The following ASIC2 variants were observed in gnomAD, a reference collection of about 807,000 sequenced individuals.
ASIC2 encodes acid sensing ion channel subunit 2, also known as acid-sensing ion channel 2.
Under a neutral mutation model 57.3 loss-of-function variants are expected in ASIC2, and 25 were observed. The ratio of observed to expected loss-of-function variants is 0.44; its 90% CI spans 0.32 to 0.61. ASIC2 has a LOEUF of 0.61. Ranked by LOEUF, ASIC2 falls within the 20% of genes least tolerant of loss-of-function variation. The pLI, the probability that ASIC2 is intolerant of heterozygous loss-of-function variation, is 0.06. For synonymous variants in ASIC2, 319 were observed against 307.5 expected (o/e 1.04, Z -0.39); for missense variants, 641 against 738.1 (o/e 0.87, Z 1.52).
intron 1 of ASIC2, among the ~76,000 whole-genome samples, chr17:33,844,752 AT>A (rs1244783670): frequency 6.6e-6 from 1 of 152,228 alleles, no homozygotes; most frequent in African/African-American, 2.4e-5. Context: ...TCAACCTGTT[AT>A]TTAGCTCTAT....
intron 3 of ASIC2, among the ~76,000 whole-genome samples, chr17:33,042,591 C>CT (rs981782331): frequency 1.3e-5 from 2 of 152,166 alleles, no homozygotes; most frequent in African/African-American, 2.4e-5. Flanking sequence ...GGAATTGAAA[C>CT]TTTGATTGTC....
intron 1 of ASIC2, among the ~76,000 whole-genome samples, chr17:33,962,925 C>T (rs1904969673): frequency 6.6e-6 from 1 of 152,116 alleles, no homozygotes; most frequent in South Asian, 2.1e-4. Context: ...ATTCTGCATC[C>T]CCCTTCCTTC....
chr17:33,597,000 C>T (rs543495829), intron 1 of ASIC2, among the ~76,000 whole-genome samples: 2 of 152,308 alleles, frequency 1.3e-5, no homozygotes, highest in East Asian at 3.9e-4. Context: ...TGGTGCTCTA[C>T]AAACATTTGT....
intron 1 of ASIC2, among the ~76,000 whole-genome samples, chr17:33,222,084 T>G (rs1415642389): frequency 1.3e-5 from 2 of 152,190 alleles, no homozygotes; most frequent in Non-Finnish European, 2.9e-5. Flanking sequence ...GCTTGATACC[T>G]GGGATGCTTT....
At chr17:33,079,264 T>C (rs940394726) in intron 3 of ASIC2, among the ~76,000 whole-genome samples, 3 of 152,208 alleles carry the variant, frequency 2.0e-5, no homozygotes, top group Non-Finnish European at 4.4e-5. Context: ...TTATAATGTG[T>C]ACATTTTATG....
At chr17:34,155,131 CT>C (rs1160299841) in intron 1 of ASIC2, among the ~76,000 whole-genome samples, 1 of 152,060 alleles carries the variant, frequency 6.6e-6, no homozygotes, top group African/African-American at 2.4e-5. Flanking sequence ...CCCTGCACCC[CT>C]CCTCCTGCAT....
chr17:33,683,707 A>C (rs1015154737), intron 1 of ASIC2, among the ~76,000 whole-genome samples: 1 of 152,036 alleles, frequency 6.6e-6, no homozygotes, highest in South Asian at 2.1e-4. Context: ...AGGGCCAGGT[A>C]ATTTTTTTGT....
chr17:33,931,904 C>T (rs1193458067), intron 1 of ASIC2, among the ~76,000 whole-genome samples: 1 of 152,150 alleles, frequency 6.6e-6, no homozygotes, highest in Admixed American at 6.5e-5. Context: ...GTAATGTTGG[C>T]GCTGATTCCA....
intron 1 of ASIC2, among the ~76,000 whole-genome samples, chr17:33,583,201 A>G (rs1904499308): frequency 6.6e-6 from 1 of 152,238 alleles, no homozygotes; most frequent in Non-Finnish European, 1.5e-5. Flanking sequence ...CAAGGCCTCA[A>G]TGCCATAAAC....
At chr17:34,066,525 T>C (rs756204400) in intron 1 of ASIC2, among the ~76,000 whole-genome samples, 1 of 152,074 alleles carries the variant, frequency 6.6e-6, no homozygotes, top group East Asian at 1.9e-4. Context: ...CATCACTGAG[T>C]GGAGTGCCAA....
At chr17:34,050,240 G>A (rs1372580844) in intron 1 of ASIC2, among the ~76,000 whole-genome samples, 1 of 152,200 alleles carries the variant, frequency 6.6e-6, no homozygotes, top group East Asian at 1.9e-4. Context: ...TGTGTAAATT[G>A]CAGCAGAGAT....
At chr17:33,142,849 T>C (rs1424199196) in intron 1 of ASIC2, among the ~76,000 whole-genome samples, 1 of 152,242 alleles carries the variant, frequency 6.6e-6, no homozygotes. Flanking sequence ...CCTCTATATG[T>C]ATCCCGTAGA....
chr17:34,043,352 T>C (rs9902237), intron 1 of ASIC2, among the ~76,000 whole-genome samples: 3,672 of 152,268 alleles, frequency 0.024, 142 homozygotes, highest in African/African-American at 0.084. Flanking sequence ...AAAGGCAGCA[T>C]TGATTGTGGC....
At chr17:34,096,487 G>T (rs1910550459) in intron 1 of ASIC2, among the ~76,000 whole-genome samples, 1 of 152,104 alleles carries the variant, frequency 6.6e-6, no homozygotes, top group Non-Finnish European at 1.5e-5. Context: ...AGAGAGCAAT[G>T]GCAAAGCCAC....
At chr17:34,038,378 A>G in intron 1 of ASIC2, 1 of 1,611,628 alleles carries the variant, frequency 6.2e-7, no homozygotes, top group South Asian at 1.1e-5. Flanking sequence ...GGGATGGTCC[A>G]GCTCTTTATG....
intron 3 of ASIC2, among the ~76,000 whole-genome samples, chr17:33,079,272 A>G (rs1382626144): frequency 2.6e-5 from 4 of 152,204 alleles, no homozygotes; most frequent in Non-Finnish European, 4.4e-5. Flanking sequence ...TGTACATTTT[A>G]TGCTGGAGAT....
chr17:33,546,175 A>G (rs1434994076), intron 1 of ASIC2, among the ~76,000 whole-genome samples: 1 of 150,302 alleles, frequency 6.7e-6, no homozygotes, highest in African/African-American at 2.4e-5. Context: ...AAGTATATGT[A>G]AATATATATA....
At chr17:33,058,011 T>C (rs2092004761) in intron 3 of ASIC2, among the ~76,000 whole-genome samples, 1 of 151,976 alleles carries the variant, frequency 6.6e-6, no homozygotes, top group African/African-American at 2.4e-5. Context: ...TTTTAATACA[T>C]TGATGAAAGT....
intron 1 of ASIC2, among the ~76,000 whole-genome samples, chr17:33,516,228 G>C (rs1914563102): frequency 6.6e-6 from 1 of 152,218 alleles, no homozygotes; most frequent in Non-Finnish European, 1.5e-5. Flanking sequence ...TACTCCCGAG[G>C]CCACCACCAC....
Sources: gnomAD v4.1 joint callset for allele counts (sites outside exome capture counted in the v4.1 genomes callset) on GRCh38, gnomAD v4.1.1 for gene constraint, MANE v1.5 for transcripts, NCBI Gene and HGNC (gene_info 2026-07-23, HGNC 2026-07-21) for gene names.